The following TAMM41 variants were observed in gnomAD, a reference collection of about 807,000 sequenced individuals.
TAMM41 encodes TAM41 mitochondrial translocator assembly and maintenance homolog.
Under a neutral mutation model 44.1 loss-of-function variants are expected in TAMM41, and 36 were observed. The observed-to-expected ratio is 0.82, with a 90% CI of 0.63 to 1.08. TAMM41 has a LOEUF of 1.08. Ranked by LOEUF, TAMM41 falls within the 50% of genes least tolerant of loss-of-function variation. TAMM41 has a pLI of 0.00. For synonymous variants in TAMM41, 164 were observed against 153.1 expected (o/e 1.07, Z -0.53); for missense variants, 417 against 404.3 (o/e 1.03, Z -0.27).
the TAMM41 span, among the ~76,000 whole-genome samples, chr3:11,744,163 G>A: frequency 2.7e-4 from 41 of 152,116 alleles, no homozygotes; most frequent in African/African-American, 9.6e-4. Context: ...CGCCTCCTGG[G>A]TTCAAGTGAT....
chr3:11,799,525 C>G (rs753768518), intron 7 of TAMM41, among the ~76,000 whole-genome samples: 1 of 152,190 alleles, frequency 6.6e-6, no homozygotes, highest in African/African-American at 2.4e-5. Flanking sequence ...TGAAGGGGTG[C>G]TCATCACTTT....
chr3:11,817,955 A>C (rs772111744), intron 4 of TAMM41, among the ~76,000 whole-genome samples: 2 of 152,244 alleles, frequency 1.3e-5, no homozygotes, highest in African/African-American at 2.4e-5. Context: ...GAGCTGAAAA[A>C]CACCTAATTC....
the TAMM41 span, among the ~76,000 whole-genome samples, chr3:11,752,283 G>A: frequency 6.6e-6 from 1 of 152,140 alleles, no homozygotes; most frequent in Non-Finnish European, 1.5e-5. Flanking sequence ...CCCAAAGAGT[G>A]AGCAGCAGCA....
the TAMM41 span, among the ~76,000 whole-genome samples, chr3:11,771,089 G>A: frequency 6.6e-6 from 1 of 152,154 alleles, no homozygotes; most frequent in African/African-American, 2.4e-5. Flanking sequence ...CTGGATGTCA[G>A]CATCTCAAGC....
At chr3:11,727,635 T>C in the TAMM41 span, among the ~76,000 whole-genome samples, 1 of 152,022 alleles carries the variant, frequency 6.6e-6, no homozygotes, top group Non-Finnish European at 1.5e-5. Flanking sequence ...AGGCTAATTT[T>C]TGTATTTTTT....
At chr3:11,779,802 C>T in the TAMM41 span, among the ~76,000 whole-genome samples, 5 of 152,190 alleles carry the variant, frequency 3.3e-5, no homozygotes, top group Admixed American at 6.5e-5. Context: ...ACATTCCAAA[C>T]GCAGCATGTT....
intron 7 of TAMM41, among the ~76,000 whole-genome samples, chr3:11,792,922 G>A (rs928548486): frequency 3.3e-5 from 5 of 152,006 alleles, no homozygotes; most frequent in Admixed American, 2.0e-4. Flanking sequence ...TTAGCCAGGC[G>A]TGGTGGCATG....
intron 4 of TAMM41, among the ~76,000 whole-genome samples, chr3:11,824,722 C>G (rs1186480441): frequency 1.3e-5 from 2 of 152,148 alleles, no homozygotes; most frequent in Non-Finnish European, 1.5e-5. Context: ...TAGTACATGT[C>G]ACATACTATT....
intron 7 of TAMM41, among the ~76,000 whole-genome samples, chr3:11,792,516 C>T (rs1380866562): frequency 6.6e-6 from 1 of 152,178 alleles, no homozygotes; most frequent in East Asian, 1.9e-4. Flanking sequence ...CACTTCTGTG[C>T]AGGGCGTCCA....
At chr3:11,752,783 G>T in the TAMM41 span, among the ~76,000 whole-genome samples, 1 of 151,692 alleles carries the variant, frequency 6.6e-6, no homozygotes, top group African/African-American at 2.4e-5. Context: ...GGGACTACAG[G>T]TGCTATAGGC....
At chr3:11,772,809 C>T in the TAMM41 span, among the ~76,000 whole-genome samples, 1 of 152,168 alleles carries the variant, frequency 6.6e-6, no homozygotes, top group African/African-American at 2.4e-5. Flanking sequence ...GTGCCAGGGG[C>T]TCTACATACA....
chr3:11,767,581 G>T, the TAMM41 span, among the ~76,000 whole-genome samples: 1 of 144,650 alleles, frequency 6.9e-6, no homozygotes, highest in Non-Finnish European at 1.5e-5. Context: ...CACCAGCAAT[G>T]TACGAGGGTT....
chr3:11,825,772 T>C (rs2078723874), intron 4 of TAMM41, among the ~76,000 whole-genome samples: 1 of 152,012 alleles, frequency 6.6e-6, no homozygotes, highest in African/African-American at 2.4e-5. Context: ...ATCCATCTGA[T>C]CTAAGTACTC....
intron 7 of TAMM41, among the ~76,000 whole-genome samples, chr3:11,801,092 A>G (rs1298332676): frequency 2.7e-5 from 3 of 111,386 alleles, no homozygotes; most frequent in Non-Finnish European, 5.1e-5. Context: ...ACCCTGTCTC[A>G]AGAAAGAAAA....
the TAMM41 span, among the ~76,000 whole-genome samples, chr3:11,723,400 C>G: frequency 5.3e-5 from 8 of 151,704 alleles, no homozygotes; most frequent in Non-Finnish European, 1.0e-4. Context: ...GGCAACACCG[C>G]GAAACCCCAT....
chr3:11,740,435 CA>C, the TAMM41 span, among the ~76,000 whole-genome samples: 3 of 152,146 alleles, frequency 2.0e-5, no homozygotes, highest in Non-Finnish European at 4.4e-5. Flanking sequence ...TGCAACATCA[CA>C]AGCAGGATAT....
chr3:11,839,131 AGT>A (rs1173601841), intron 3 of TAMM41, 89 bp downstream of exon 3: 4 of 730,428 alleles, frequency 5.5e-6, no homozygotes, highest in Admixed American at 2.4e-5. Context: ...CTATTTCCAG[AGT>A]TCCATCTCAT....
chr3:11,835,561 CAGTT>C (rs1460256402), intron 3 of TAMM41, among the ~76,000 whole-genome samples: 5 of 152,158 alleles, frequency 3.3e-5, no homozygotes, highest in Non-Finnish European at 5.9e-5. Context: ...AAGGATATAA[CAGTT>C]AGATAAAACC....
At chr3:11,754,026 G>A in the TAMM41 span, among the ~76,000 whole-genome samples, 2 of 152,050 alleles carry the variant, frequency 1.3e-5, no homozygotes, top group Non-Finnish European at 1.5e-5. Flanking sequence ...GCCAGCTGCT[G>A]TTTCTCCACC....
Sources: gnomAD v4.1 joint callset for allele counts (sites outside exome capture counted in the v4.1 genomes callset) on GRCh38, gnomAD v4.1.1 for gene constraint, MANE v1.5 for transcripts, NCBI Gene and HGNC (gene_info 2026-07-23, HGNC 2026-07-21) for gene names.